ATP2B4: variants seen among roughly 807,000 people sequenced by gnomAD.
The protein encoded by ATP2B4 is plasma membrane calcium-transporting ATPase 4.
A neutral mutation model predicts 110.3 loss-of-function variants in ATP2B4; 39 were observed. The observed-to-expected ratio is 0.35, with a 90% CI of 0.27 to 0.46. The LOEUF (loss-of-function observed/expected upper bound fraction) is 0.46. ATP2B4 is among the 20% of genes least tolerant of loss of function. The pLI, the probability that ATP2B4 is intolerant of heterozygous loss-of-function variation, is 1.00. For synonymous variants in ATP2B4, 538 were observed against 571.7 expected (o/e 0.94, Z 0.84); for missense variants, 1,135 against 1,530.9 (o/e 0.74, Z 4.32).
intron 8 of ATP2B4, 91 bp downstream of exon 8, chr1:203,703,904 G>A: frequency 1.4e-6 from 2 of 1,448,054 alleles, no homozygotes; most frequent in Non-Finnish European, 9.2e-7. Flanking sequence ...ACCGAGACTG[G>A]CAGAAAGAAG....
intron 1 of ATP2B4, among the ~76,000 whole-genome samples, chr1:203,680,608 C>CA (rs372298550): frequency 2.3e-5 from 3 of 130,790 alleles, no homozygotes; most frequent in African/African-American, 8.5e-5. Flanking sequence ...GACTCCGTCT[C>CA]AAAAAAAAAA....
At chr1:203,722,814 G>A in intron 18 of ATP2B4, 125 bp downstream of exon 18, 1 of 886,626 alleles carries the variant, frequency 1.1e-6, no homozygotes, top group Non-Finnish European at 1.7e-6. Context: ...GCTGTAAGTT[G>A]AACACTTTGG....
intron 1 of ATP2B4, among the ~76,000 whole-genome samples, chr1:203,680,308 T>A (rs1664964861): frequency 6.6e-6 from 1 of 151,944 alleles, no homozygotes; most frequent in African/African-American, 2.4e-5. Context: ...ATAACAAAAG[T>A]TCATTAAGAT....
intron 20 of ATP2B4, among the ~76,000 whole-genome samples, chr1:203,738,401 A>G (rs896563997): frequency 1.3e-5 from 2 of 152,228 alleles, no homozygotes; most frequent in African/African-American, 4.8e-5. Context: ...AGCTGTTCAC[A>G]GGCATCAATT....
At position 203,743,314 on chromosome 1, in the gene ATP2B4, A is replaced by T. The variant is rs922518659; in HGVS notation, c.*3460A>T. On this transcript the variant is annotated 3_prime_UTR_variant, in exon 21 of 21. Transcript: ENST00000357681. ...GTATGCAGAGACTTCCTCACCTTTC[A>T]TATCTAGGGACCACCCCCGATGCAT... The T allele has an allele frequency of 1.3e-5, 2 of 152,556 alleles. No individual in the cohort carries two copies. The highest frequency in any genetic ancestry group is 4.8e-5 in the African/African-American group (2 of 41,416). The allele number at this position is 152,556 out of a possible 1,614,324, so 9.5% of individuals were successfully genotyped here. A position where few individuals can be genotyped will look rare whatever the true frequency, so the allele number is the denominator to read the frequency against.
At chr1:203,721,592 G>A (rs1365532473) in intron 17 of ATP2B4, among the ~76,000 whole-genome samples, 182 bp downstream of exon 17, 1 of 151,004 alleles carries the variant, frequency 6.6e-6, no homozygotes, top group Non-Finnish European at 1.5e-5. Flanking sequence ...GTACTCTTGA[G>A]TACAGTGTGT....
chr1:203,720,622 TG>T lies in ATP2B4; in HGVS notation c.2481del (p.Lys828ArgfsTer3). The T allele has an allele frequency of 6.2e-7, 1 of 1,614,082 alleles. No homozygotes were observed. Among genetic ancestry groups the T allele is most frequent in the Non-Finnish European group, 8.5e-7 (1 of 1,179,952 alleles). On this transcript the variant is annotated frameshift_variant, in exon 16 of 21. Transcript: ENST00000357681. LOFTEE classifies it high-confidence loss of function. Reference sequence around the variant, plus strand: ...ACAGATGACAACTTCACCAGCATTGTGAAGGCAGTGATGTGGGGACGAAATG... The same window carrying T: ...ACAGATGACAACTTCACCAGCATTGTAAGGCAGTGATGTGGGGACGAAATG... ...ILTDDNFTSI[V>X]KAVMWGRNVY...
At chr1:203,727,635 G>A in intron 20 of ATP2B4, 64 bp downstream of exon 20, 1 of 1,588,960 alleles carries the variant, frequency 6.3e-7, no homozygotes, top group Non-Finnish European at 8.6e-7. Flanking sequence ...AAGGTGTTGG[G>A]AGGGTAGCAG....
Position 203,736,003 on chromosome 1 carries a change from G to A in ATP2B4, c.3310-3543G>A, listed in dbSNP as rs74137886. ...GGCCACACCTGCTCTTTCTCCAGCT[G>A]TGCCTTTTTAGTTGGAGCTCCTAGA... On this transcript the variant is annotated intron_variant, in intron 20 of 20. Transcript: ENST00000357681. 9.1e-3 allele frequency among the ~76,000 whole-genome samples: 1,383 copies of A among 152,296 alleles called. 27 individuals carry two copies. Among genetic ancestry groups the A allele is most frequent in the African/African-American group, 0.028 (1,181 of 41,548 alleles).
At chr1:203,721,672 T>C (rs1666339282) in intron 17 of ATP2B4, among the ~76,000 whole-genome samples, 1 of 137,460 alleles carries the variant, frequency 7.3e-6, no homozygotes, top group African/African-American at 2.9e-5. Flanking sequence ...TTTTTTTTTT[T>C]TCTTTTTGGA....
At chr1:203,722,792 A>G (rs1666377262) in intron 18 of ATP2B4, 103 bp downstream of exon 18, 1 of 1,087,502 alleles carries the variant, frequency 9.2e-7, no homozygotes, top group African/African-American at 1.6e-5. Flanking sequence ...TGAAGGAATT[A>G]CGGGGACTGG....
intron 1 of ATP2B4, among the ~76,000 whole-genome samples, chr1:203,630,624 A>G (rs755538397): frequency 1.1e-4 from 16 of 152,154 alleles, no homozygotes; most frequent in Non-Finnish European, 2.2e-4. Context: ...AGTCTTAACT[A>G]TCCTTCTCTG....
intron 1 of ATP2B4, among the ~76,000 whole-genome samples, chr1:203,634,942 G>A (rs993398993): frequency 1.3e-5 from 2 of 152,098 alleles, no homozygotes; most frequent in Non-Finnish European, 2.9e-5. Flanking sequence ...GGGATTACAG[G>A]CATGAACCAC....
intron 2 of ATP2B4, among the ~76,000 whole-genome samples, chr1:203,692,326 C>T (rs982182443): frequency 2.0e-5 from 3 of 152,150 alleles, no homozygotes; most frequent in African/African-American, 4.8e-5. Context: ...CACAGGCACA[C>T]GCCATCATGT....
intron 19 of ATP2B4, among the ~76,000 whole-genome samples, chr1:203,725,534 G>T (rs1316154712): frequency 6.6e-6 from 1 of 152,098 alleles, no homozygotes; most frequent in African/African-American, 2.4e-5. Context: ...AGGAAAACAA[G>T]GTCATTGTTA....
intron 20 of ATP2B4, among the ~76,000 whole-genome samples, chr1:203,728,950 C>A (rs1198891033): frequency 2.0e-5 from 3 of 150,430 alleles, no homozygotes. Flanking sequence ...TAGGTGAAAC[C>A]CCGTCTCTAC....
At chr1:203,685,639 TC>T (rs1207261429) in intron 2 of ATP2B4, among the ~76,000 whole-genome samples, 1 of 152,242 alleles carries the variant, frequency 6.6e-6, no homozygotes, top group Non-Finnish European at 1.5e-5. Context: ...CTACCTGTTT[TC>T]TTTACTTCTA....
intron 12 of ATP2B4, 67 bp downstream of exon 12, chr1:203,711,175 C>T: frequency 6.7e-7 from 1 of 1,493,030 alleles, no homozygotes; most frequent in Admixed American, 1.7e-5. Flanking sequence ...CTAGTTGTGA[C>T]CCCAGGCAGG....
chr1:203,679,992 C>T (rs866908282), intron 1 of ATP2B4, among the ~76,000 whole-genome samples: 1 of 144,936 alleles, frequency 6.9e-6, no homozygotes, highest in Non-Finnish European at 1.5e-5. Context: ...ACCTGGGAGG[C>T]GGAGGTTGCA....
Sources: gnomAD v4.1 joint callset for allele counts (sites outside exome capture counted in the v4.1 genomes callset) on GRCh38, gnomAD v4.1.1 for gene constraint, MANE v1.5 for transcripts, NCBI Gene and HGNC (gene_info 2026-07-23, HGNC 2026-07-21) for gene names.